GDF6: variants seen among roughly 807,000 people sequenced by gnomAD.
GDF6 encodes growth/differentiation factor 6.
A neutral mutation model predicts 32.4 loss-of-function variants in GDF6; 3 were observed. That is an observed-to-expected ratio of 0.09 (90% CI 0.04 to 0.24). GDF6 has a LOEUF of 0.24. GDF6 is among the 10% of genes least tolerant of loss of function. GDF6 has a pLI of 1.00. For synonymous variants in GDF6, 296 were observed against 295.3 expected, an observed-to-expected ratio of 1.00 and a Z score of -0.03; for missense variants, 589 against 637.9, an observed-to-expected ratio of 0.92 and a Z score of 0.83.
In GDF6 at chr8:96,144,940, G is replaced by A; in HGVS notation, c.991C>T (p.Arg331Cys). 6.4e-7 allele frequency: 1 copy of A among 1,569,612 alleles called. No individual in the cohort carries two copies. Among genetic ancestry groups the A allele is most frequent in the Non-Finnish European group, 8.6e-7 (1 of 1,158,662 alleles). Residue 331 changes from arginine (R) to cysteine (C), a missense_variant, in exon 2 of 2, where the codon CGC becomes TGC. Transcript: ENST00000287020. The surrounding 1 kb of genome is among the most constrained non-coding windows in gnomAD (Gnocchi z 5.1). ...GCGAAGGCCGTGCGCCGCCGCCGGC[G>A]GCCGGGCGAGGGCAGCCAAGGCCTG... ...DARPWLPSPGRRRRRTAFASR... is the reference protein window; with the variant it reads ...DARPWLPSPGCRRRRTAFASR...
chr8:96,149,766 G>A (rs1812536661), intron 1 of GDF6, among the ~76,000 whole-genome samples: 2 of 152,236 alleles, frequency 1.3e-5, no homozygotes, highest in African/African-American at 4.8e-5. Flanking sequence ...AAGGGCATCT[G>A]TCCACGGTCA....
intron 1 of GDF6, among the ~76,000 whole-genome samples, chr8:96,156,993 A>G (rs750995863): frequency 1.3e-4 from 20 of 152,206 alleles, no homozygotes; most frequent in Non-Finnish European, 2.9e-4. Flanking sequence ...GACCTCGAGC[A>G]ACTTGCTTAA....
In GDF6 at chr8:96,143,565, C is replaced by G. The variant is rs114201878; in HGVS notation, c.*998G>C. ...TTTTTTGAACTGGAAAATCACCTTCCCCTTAGAAGTGCATGTCTGAATTTT... is the reference window on the plus strand; with the variant it reads ...TTTTTTGAACTGGAAAATCACCTTCGCCTTAGAAGTGCATGTCTGAATTTT... On this transcript the variant is annotated 3_prime_UTR_variant, in exon 2 of 2. Coordinates refer to ENST00000287020, the MANE Select transcript of GDF6 (RefSeq NM_001001557.4). The G allele has an allele frequency of 0.022, 3,297 of 152,738 alleles. 64 individuals carry two copies. Among genetic ancestry groups the G allele is most frequent in the Middle Eastern group, 0.088 (26 of 294 alleles). The allele number at this position is 152,738 out of a possible 1,614,324, so 9.5% of individuals were successfully genotyped here.
At chr8:96,151,562 A>G (rs536364989) in intron 1 of GDF6, among the ~76,000 whole-genome samples, 33 of 152,286 alleles carry the variant, frequency 2.2e-4, no homozygotes, top group African/African-American at 7.7e-4. Flanking sequence ...GAGGGAGGGC[A>G]TCAATCCCTG....
chr8:96,153,324 GCTT>G (rs145126706), intron 1 of GDF6, among the ~76,000 whole-genome samples: 1,581 of 152,378 alleles, frequency 0.01, 9 homozygotes, highest in South Asian at 0.017. Flanking sequence ...ACTTCACTGT[GCTT>G]CTCTTTTCAA....
In GDF6 at chr8:96,145,202, C is replaced by T. The variant is rs751636145; in HGVS notation, c.729G>A (p.Gly243=). The T allele has an allele frequency of 6.7e-7, 1 of 1,502,128 alleles. No homozygotes were observed. The highest frequency in any genetic ancestry group is 1.4e-5 in the African/African-American group (1 of 69,054). The allele number at this position is 1,502,128 out of a possible 1,614,324, so 93.0% of individuals were successfully genotyped here. The stretch of plus-strand genomic sequence containing the variant: ...GTCCCCGCGCGCGCGCCTCGGCCTC[C>T]CCGGCGTCCAGCTCGCCCCATGCGG... ...LRAAWGELDA[G]EAEARARGPQ... is the part of the protein sequence containing the mutation. Residue 243 remains glycine (G), a synonymous_variant, in exon 2 of 2, where the codon GGG becomes GGA. Coordinates refer to ENST00000287020, the MANE Select transcript of GDF6 (RefSeq NM_001001557.4). This position sits in a 1 kb window ranked among gnomAD's most constrained non-coding sequence, Gnocchi z 5.6.
Position 96,150,862 on chromosome 8 carries a change from A to G in GDF6, c.407-5338T>C, listed in dbSNP as rs80171998. Among the ~76,000 whole-genome samples, 75 of 152,244 alleles carry G rather than the reference A, an allele frequency of 4.9e-4. 1 individual carries two copies. The East Asian group carries it at 6.0e-3, about 12-fold the overall frequency. On this transcript the variant is annotated intron_variant, in intron 1 of 1. Transcript: ENST00000287020. Reference sequence around the variant, plus strand: ...CAGGATTTTTTTTCTTTTCTTTACTACAAAGAAGACCTCCAAGCTCAAAAT... The same window carrying G: ...CAGGATTTTTTTTCTTTTCTTTACTGCAAAGAAGACCTCCAAGCTCAAAAT...
At chr8:96,151,902 G>C (rs1391852583) in intron 1 of GDF6, among the ~76,000 whole-genome samples, 3 of 152,182 alleles carry the variant, frequency 2.0e-5, no homozygotes, top group African/African-American at 7.2e-5. Flanking sequence ...AGAACCACCT[G>C]TACCTTGCAG....
intron 1 of GDF6, among the ~76,000 whole-genome samples, chr8:96,158,496 T>G (rs1458345416): frequency 6.6e-6 from 1 of 152,122 alleles, no homozygotes; most frequent in East Asian, 1.9e-4. Context: ...AGCGAACCAG[T>G]TATGGTGCCC....
rs1812400271 is a variant in GDF6, at chr8:96,143,127, C to T, written c.*1436G>A. The T allele has an allele frequency of 6.6e-6, 1 of 151,718 alleles. No homozygotes were observed. Among genetic ancestry groups the T allele is most frequent in the African/African-American group, 2.4e-5 (1 of 41,098 alleles). 9.4% of individuals were successfully genotyped at this position (151,718 alleles called of 1,614,324 possible). ...CCAGCTTCCTCCCAGAAGACGAATT[C>T]CACCCCTGTCTCCTTCCTCACTGCC... On this transcript the variant is annotated 3_prime_UTR_variant, in exon 2 of 2. Coordinates refer to ENST00000287020, the MANE Select transcript of GDF6 (RefSeq NM_001001557.4).
intron 1 of GDF6, among the ~76,000 whole-genome samples, chr8:96,155,115 G>C (rs1812637143): frequency 6.6e-6 from 1 of 152,154 alleles, no homozygotes; most frequent in South Asian, 2.1e-4. Context: ...AAGGATGTTT[G>C]AGCACGTTTT....
Position 96,144,270 on chromosome 8 carries a change from GA to G in GDF6, c.*292del. ...AGAGAGAGAGAGAGAGAGAGAGAGA[GA>G]GAGAGAGAGAGAGAGAGAGAAAACA... On this transcript the variant is annotated 3_prime_UTR_variant, in exon 2 of 2. Coordinates refer to ENST00000287020, the MANE Select transcript of GDF6 (RefSeq NM_001001557.4). The surrounding 1 kb of genome is among the most constrained non-coding windows in gnomAD (Gnocchi z 5.1). The G allele has an allele frequency of 2.2e-6, 1 of 456,164 alleles. No individual in the cohort carries two copies. The highest frequency in any genetic ancestry group is 4.0e-6 in the Non-Finnish European group (1 of 248,950). 28.3% of individuals were successfully genotyped at this position (456,164 alleles called of 1,614,324 possible). A position where few individuals can be genotyped will look rare whatever the true frequency, so the allele number is the denominator to read the frequency against.
chr8:96,152,007 C>T (rs925924479), intron 1 of GDF6, among the ~76,000 whole-genome samples: 2 of 152,218 alleles, frequency 1.3e-5, no homozygotes, highest in Non-Finnish European at 2.9e-5. Context: ...TGACTACTTA[C>T]ATCTTCTAGG....
chr8:96,145,657 G>C lies in GDF6; in HGVS notation c.407-133C>G. The C allele has an allele frequency of 3.8e-6, 4 of 1,044,164 alleles. No homozygotes were observed. The highest frequency in any genetic ancestry group is 5.7e-6 in the Non-Finnish European group (4 of 707,364). 64.7% of individuals were successfully genotyped at this position (1,044,164 alleles called of 1,614,324 possible). ...CGGGCAGTCCAGCTTGCCCGGCCCA[G>C]GGCCTGACCACCCCGGCTCCCCATC... On this transcript the variant is annotated intron_variant, in intron 1 of 1. Transcript: ENST00000287020. This position sits in a 1 kb window ranked among gnomAD's most constrained non-coding sequence, Gnocchi z 5.6.
Position 96,145,559 on chromosome 8 carries a change from T to C in GDF6, c.407-35A>G, listed in dbSNP as rs768313069. 1.9e-6 allele frequency: 3 copies of C among 1,597,032 alleles called. No individual in the cohort carries two copies. The highest frequency in any genetic ancestry group is 2.7e-5 in the African/African-American group (2 of 74,914). The stretch of plus-strand genomic sequence containing the variant: ...AAAAAATAATTACAGTCAGTTTCAC[T>C]TAAGGGGGAGATCAGCCCGGTGCTC... On this transcript the variant is annotated intron_variant, in intron 1 of 1. Transcript: ENST00000287020. This position sits in a 1 kb window ranked among gnomAD's most constrained non-coding sequence, Gnocchi z 5.6.
chr8:96,154,125 A>G (rs1419131920), intron 1 of GDF6, among the ~76,000 whole-genome samples: 1 of 152,020 alleles, frequency 6.6e-6, no homozygotes, highest in Admixed American at 6.6e-5. Context: ...ACTAAAGCCA[A>G]TCCCCTGCGC....
rs1309233761 is a variant in GDF6, at chr8:96,144,260, G to GAGAGAGAC, written c.*302_*303insGTCTCTCT. Reference sequence around the variant, plus strand: ...CCACAGTAATAGAGAGAGAGAGAGAGAGAGAGAGAGAGAGAGAGAGAGAGA... The same window carrying GAGAGAGAC: ...CCACAGTAATAGAGAGAGAGAGAGAGAGAGAGACAGAGAGAGAGAGAGAGAGAGAGAGA... On this transcript the variant is annotated 3_prime_UTR_variant, in exon 2 of 2. Coordinates refer to ENST00000287020, the MANE Select transcript of GDF6 (RefSeq NM_001001557.4). The surrounding 1 kb of genome is among the most constrained non-coding windows in gnomAD (Gnocchi z 5.1). 32 of 419,394 alleles carry GAGAGAGAC rather than the reference G, an allele frequency of 7.6e-5. 1 individual carries two copies. The highest frequency in any genetic ancestry group is 7.2e-4 in the African/African-American group (31 of 43,210). The allele number at this position is 419,394 out of a possible 1,614,324, so 26.0% of individuals were successfully genotyped here.
chr8:96,145,929 T>G lies in GDF6; in HGVS notation c.407-405A>C, dbSNP rs141779941. 6.5e-3 allele frequency among the ~76,000 whole-genome samples: 986 copies of G among 152,264 alleles called. 6 individuals carry two copies. The highest frequency in any genetic ancestry group is 0.02 in the African/African-American group (839 of 41,524). The stretch of plus-strand genomic sequence containing the variant: ...TCTCGTTGACGTCTCAAATGTCACC[T>G]CCTCCAAGTAGCCACCCCTGAGCAC... On this transcript the variant is annotated intron_variant, in intron 1 of 1. Transcript: ENST00000287020. The surrounding 1 kb of genome is among the most constrained non-coding windows in gnomAD (Gnocchi z 5.6).
chr8:96,152,149 T>TG (rs1159586810), intron 1 of GDF6, among the ~76,000 whole-genome samples: 1 of 152,228 alleles, frequency 6.6e-6, no homozygotes, highest in African/African-American at 2.4e-5. Flanking sequence ...ATGAGAAAGA[T>TG]GAAGACGCTT....
Sources: gnomAD v4.1 joint callset for allele counts (sites outside exome capture counted in the v4.1 genomes callset) on GRCh38, gnomAD v4.1.1 for gene constraint, Gnocchi (gnomAD v3.1) non-coding constraint, MANE v1.5 for transcripts, NCBI Gene and HGNC (gene_info 2026-07-23, HGNC 2026-07-21) for gene names.